The following WWOX variants were observed in gnomAD, a reference collection of about 807,000 sequenced individuals.
The protein encoded by WWOX is WW domain containing oxidoreductase, also known as WW domain-containing oxidoreductase.
Under a neutral mutation model 46.2 loss-of-function variants are expected in WWOX, and 69 were observed. The observed-to-expected ratio is 1.49, with a 90% CI of 1.23 to 1.82. The LOEUF (loss-of-function observed/expected upper bound fraction) is 1.82, where lower values mean the gene tolerates loss of function less well. WWOX is among the 40% of genes most tolerant of loss of function. The pLI is 0.00. For synonymous variants in WWOX, 359 were observed against 202.6 expected, an observed-to-expected ratio of 1.77 and a Z score of -6.56; for missense variants, 919 against 542.6, an observed-to-expected ratio of 1.69 and a Z score of -6.89.
At chr16:78,679,305 C>G (rs142430039) in intron 8 of WWOX, among the ~76,000 whole-genome samples, 14 of 152,304 alleles carry the variant, frequency 9.2e-5, no homozygotes, top group Non-Finnish European at 1.8e-4. Context: ...AATCCCAGCA[C>G]TTTGGGAGGC....
At chr16:78,709,044 C>T (rs145889903) in intron 8 of WWOX, among the ~76,000 whole-genome samples, 32 of 152,092 alleles carry the variant, frequency 2.1e-4, no homozygotes, top group Non-Finnish European at 4.6e-4. Flanking sequence ...ATAAATTGGC[C>T]CCCTGACCCC....
intron 6 of WWOX, among the ~76,000 whole-genome samples, chr16:78,409,914 A>T (rs1253755629): frequency 6.6e-6 from 1 of 152,178 alleles, no homozygotes; most frequent in Non-Finnish European, 1.5e-5. Flanking sequence ...TACCTAGATT[A>T]TCTAGCATGA....
chr16:79,126,408 G>C (rs1359340389), intron 8 of WWOX, among the ~76,000 whole-genome samples: 1 of 152,108 alleles, frequency 6.6e-6, no homozygotes, highest in Non-Finnish European at 1.5e-5. Context: ...TTTGATCATG[G>C]GGGTGGTTTT....
At chr16:78,687,980 A>G (rs1180609730) in intron 8 of WWOX, among the ~76,000 whole-genome samples, 3 of 152,130 alleles carry the variant, frequency 2.0e-5, no homozygotes, top group Non-Finnish European at 4.4e-5. Flanking sequence ...GTACAAATGA[A>G]CTTGCTACTT....
chr16:78,771,406 G>C (rs1481851495), intron 8 of WWOX, among the ~76,000 whole-genome samples: 1 of 152,170 alleles, frequency 6.6e-6, no homozygotes, highest in East Asian at 1.9e-4. Flanking sequence ...TGATGAAAGA[G>C]TTTTGGAGAT....
intron 8 of WWOX, among the ~76,000 whole-genome samples, chr16:78,932,038 G>A (rs1048689850): frequency 6.6e-6 from 1 of 152,202 alleles, no homozygotes; most frequent in Non-Finnish European, 1.5e-5. Context: ...GTGATTGTGA[G>A]ACTTTCCCAG....
chr16:78,845,484 C>G (rs1350518356), intron 8 of WWOX, among the ~76,000 whole-genome samples: 4 of 152,174 alleles, frequency 2.6e-5, no homozygotes, highest in Non-Finnish European at 5.9e-5. Flanking sequence ...CTCATGGATT[C>G]TCTTTTACAG....
intron 8 of WWOX, chr16:78,551,472 C>G (rs889501728): frequency 6.6e-6 from 1 of 152,136 alleles, no homozygotes; most frequent in African/African-American, 2.4e-5. Context: ...TCCTACAATT[C>G]AAGTGTTGGA....
At chr16:78,104,231 A>AAAACACACAC (rs1555534029) in intron 1 of WWOX, among the ~76,000 whole-genome samples, 1 of 130,124 alleles carries the variant, frequency 7.7e-6, no homozygotes, top group African/African-American at 2.9e-5. Flanking sequence ...CTGTGCTCAA[A>AAAACACACAC]ACACACACAC....
At chr16:78,717,558 G>A (rs936101814) in intron 8 of WWOX, among the ~76,000 whole-genome samples, 5 of 152,110 alleles carry the variant, frequency 3.3e-5, no homozygotes, top group Non-Finnish European at 5.9e-5. Context: ...CTTTGATGGT[G>A]GACAAAGAAG....
intron 8 of WWOX, among the ~76,000 whole-genome samples, chr16:78,917,477 G>C (rs1355603949): frequency 6.7e-6 from 1 of 149,450 alleles, no homozygotes; most frequent in Non-Finnish European, 1.5e-5. Flanking sequence ...CCCGAGAGCT[G>C]GCTGATTTTT....
chr16:78,725,824 G>C (rs2048817087), intron 8 of WWOX, among the ~76,000 whole-genome samples: 2 of 152,028 alleles, frequency 1.3e-5, no homozygotes, highest in Admixed American at 6.5e-5. Flanking sequence ...GGCGGTGCTT[G>C]GTGTTCCTTG....
intron 8 of WWOX, among the ~76,000 whole-genome samples, chr16:78,754,734 A>G (rs1384788034): frequency 2.6e-5 from 4 of 152,092 alleles, no homozygotes; most frequent in Non-Finnish European, 4.4e-5. Flanking sequence ...ATAAGAAAAA[A>G]AGATTTCTTC....
At chr16:78,295,212 G>A (rs1023604540) in intron 5 of WWOX, among the ~76,000 whole-genome samples, 3 of 152,196 alleles carry the variant, frequency 2.0e-5, no homozygotes, top group Non-Finnish European at 4.4e-5. Flanking sequence ...CAGATCAGAT[G>A]TGTTAGAGCA....
intron 8 of WWOX, among the ~76,000 whole-genome samples, chr16:79,201,575 C>A (rs534957583): frequency 6.6e-6 from 1 of 152,154 alleles, no homozygotes; most frequent in Non-Finnish European, 1.5e-5. Flanking sequence ...TGCATTTACA[C>A]TGAAGCATCA....
chr16:78,331,161 T>G (rs899613380), intron 5 of WWOX, among the ~76,000 whole-genome samples: 5 of 152,226 alleles, frequency 3.3e-5, no homozygotes, highest in African/African-American at 1.2e-4. Flanking sequence ...TGTCTGTAAT[T>G]TGGAACGGCT....
intron 8 of WWOX, among the ~76,000 whole-genome samples, chr16:78,974,626 G>A (rs184336325): frequency 3.9e-4 from 59 of 152,218 alleles, no homozygotes; most frequent in Admixed American, 9.2e-4. Context: ...AATATTACAC[G>A]TAGCAAATGT....
chr16:78,631,262 C>T (rs1040370559), intron 8 of WWOX, among the ~76,000 whole-genome samples: 3 of 152,026 alleles, frequency 2.0e-5, no homozygotes, highest in African/African-American at 7.2e-5. Context: ...CTCATCCACC[C>T]CTTCCTCACC....
intron 8 of WWOX, among the ~76,000 whole-genome samples, chr16:78,500,413 C>T (rs1413020168): frequency 6.7e-6 from 1 of 149,350 alleles, no homozygotes; most frequent in African/African-American, 2.6e-5. Context: ...TCTTTCCTTC[C>T]TTCCTTCCTT....
Sources: allele counts gnomAD v4.1 joint callset (sites outside exome capture counted in the v4.1 genomes callset), GRCh38; gene constraint gnomAD v4.1.1; transcripts MANE v1.5; gene names NCBI Gene and HGNC (gene_info 2026-07-23, HGNC 2026-07-21).